The following PTPRG variants were observed in gnomAD, a reference collection of about 807,000 sequenced individuals.
The protein encoded by PTPRG is receptor-type tyrosine-protein phosphatase gamma.
In PTPRG, 102 loss-of-function variants were observed where a neutral mutation model predicts 165.3. That is an observed-to-expected ratio of 0.62 (90% CI 0.53 to 0.73). The LOEUF is 0.73. PTPRG is among the 30% of genes least tolerant of loss of function. The pLI, the probability that PTPRG is intolerant of heterozygous loss-of-function variation, is 0.00. For synonymous variants in PTPRG, 675 were observed against 669.5 expected, an observed-to-expected ratio of 1.01 and a Z score of -0.13; for missense variants, 1,866 against 1,861.4, an observed-to-expected ratio of 1.00 and a Z score of -0.05.
At chr3:62,110,066 T>G (rs1337642553) in intron 5 of PTPRG, among the ~76,000 whole-genome samples, 1 of 148,498 alleles carries the variant, frequency 6.7e-6, no homozygotes, top group Admixed American at 6.7e-5. Flanking sequence ...TCAGTAGCTC[T>G]CTCTCTATTC....
intron 8 of PTPRG, among the ~76,000 whole-genome samples, chr3:62,169,571 T>C (rs1420511282): frequency 1.3e-5 from 2 of 152,094 alleles, no homozygotes; most frequent in African/African-American, 4.8e-5. Context: ...GCTCTGGGAT[T>C]TATCAGAATT....
intron 3 of PTPRG, among the ~76,000 whole-genome samples, chr3:61,994,535 G>A (rs946341479): frequency 6.6e-6 from 1 of 152,108 alleles, no homozygotes; most frequent in Non-Finnish European, 1.5e-5. Flanking sequence ...AAGAATCAAC[G>A]GGAGGGAAAC....
At chr3:62,196,033 C>G (rs1228447031) in intron 10 of PTPRG, among the ~76,000 whole-genome samples, 2 of 151,474 alleles carry the variant, frequency 1.3e-5, no homozygotes, top group East Asian at 4.0e-4. Context: ...CGTGATCTGC[C>G]TGCCTTAGCC....
chr3:61,693,923 G>A (rs180773383), intron 1 of PTPRG, among the ~76,000 whole-genome samples: 14 of 150,720 alleles, frequency 9.3e-5, no homozygotes, highest in Non-Finnish European at 1.9e-4. Context: ...CAGGAGAATC[G>A]CTTGAACCCA....
intron 2 of PTPRG, among the ~76,000 whole-genome samples, chr3:61,886,649 G>T (rs184050638): frequency 6.6e-6 from 1 of 152,132 alleles, no homozygotes; most frequent in Non-Finnish European, 1.5e-5. Context: ...GAGTTAACAG[G>T]TAGGGCTGTT....
At chr3:61,965,129 G>T (rs1335815937) in intron 2 of PTPRG, among the ~76,000 whole-genome samples, 1 of 151,568 alleles carries the variant, frequency 6.6e-6, no homozygotes, top group African/African-American at 2.4e-5. Context: ...CTGTAATCCC[G>T]TCTACGTAGG....
intron 15 of PTPRG, among the ~76,000 whole-genome samples, chr3:62,253,935 A>C (rs1465481090): frequency 6.6e-6 from 1 of 152,236 alleles, no homozygotes; most frequent in African/African-American, 2.4e-5. Flanking sequence ...TCACCTTCCT[A>C]AAACAAAGTA....
chr3:61,936,743 C>T (rs562822125), intron 2 of PTPRG, among the ~76,000 whole-genome samples: 3 of 152,232 alleles, frequency 2.0e-5, no homozygotes, highest in South Asian at 2.1e-4. Flanking sequence ...GAAATCCTTA[C>T]GTTTTGGATG....
chr3:61,970,156 A>G (rs189510376), intron 2 of PTPRG, among the ~76,000 whole-genome samples: 45 of 152,240 alleles, frequency 3.0e-4, no homozygotes, highest in Middle Eastern at 3.4e-3. Flanking sequence ...TGTGTTTCCA[A>G]TGTCAACTCA....
chr3:61,756,847 A>C (rs907024819), intron 2 of PTPRG, among the ~76,000 whole-genome samples: 3 of 152,172 alleles, frequency 2.0e-5, no homozygotes, highest in Non-Finnish European at 4.4e-5. Flanking sequence ...GGTAAATGGA[A>C]TACTGAGAGT....
chr3:62,074,524 A>G (rs1384770207), intron 4 of PTPRG, among the ~76,000 whole-genome samples: 1 of 151,498 alleles, frequency 6.6e-6, no homozygotes, highest in Non-Finnish European at 1.5e-5. Flanking sequence ...AATTTTTTGT[A>G]GAGATGAGGT....
chr3:61,942,970 G>A (rs1406192641), intron 2 of PTPRG, among the ~76,000 whole-genome samples: 2 of 152,194 alleles, frequency 1.3e-5, no homozygotes, highest in Admixed American at 6.5e-5. Flanking sequence ...GCAGGCCAGT[G>A]TATACAGATT....
intron 2 of PTPRG, among the ~76,000 whole-genome samples, chr3:61,932,132 T>C (rs1310056908): frequency 6.6e-6 from 1 of 152,266 alleles, no homozygotes; most frequent in Non-Finnish European, 1.5e-5. Context: ...GTCAATTATA[T>C]ATCTACCACT....
At chr3:61,914,545 A>T (rs996105373) in intron 2 of PTPRG, among the ~76,000 whole-genome samples, 7 of 152,204 alleles carry the variant, frequency 4.6e-5, no homozygotes, top group African/African-American at 1.7e-4. Flanking sequence ...TCCGAGTTTA[A>T]GCATCTGAAA....
intron 4 of PTPRG, among the ~76,000 whole-genome samples, chr3:62,006,075 T>C (rs928740766): frequency 1.2e-4 from 18 of 152,164 alleles, no homozygotes; most frequent in African/African-American, 3.9e-4. Context: ...GAGGGAGCCA[T>C]TGAATTCAGA....
At chr3:61,901,923 G>A (rs1407819692) in intron 2 of PTPRG, among the ~76,000 whole-genome samples, 1 of 152,198 alleles carries the variant, frequency 6.6e-6, no homozygotes, top group Admixed American at 6.5e-5. Context: ...GATATTACCT[G>A]ATAATTATGC....
rs61754215 is a variant in PTPRG at position 62,195,118 on chromosome 3, C to T, written c.1275C>T (p.Ala425=). 9.8e-3 allele frequency: 15,828 copies of T among 1,614,178 alleles called. 180 individuals are homozygous for T. The highest frequency in any genetic ancestry group is 0.065 in the Middle Eastern group (391 of 6,062). ...PDSLYLFRVQ[A]VCRNDMRSDF... is the part of the protein sequence containing the mutation. Reference sequence around the variant, plus strand: ...GCCTTTACCTGTTCCGAGTCCAGGCCGTGTGTCGGAACGACATGCGCAGCG... The same window carrying T: ...GCCTTTACCTGTTCCGAGTCCAGGCTGTGTGTCGGAACGACATGCGCAGCG... The change falls in exon 10 of 30, where the codon GCC becomes GCT. Residue 425 remains alanine, a synonymous_variant. Coordinates refer to ENST00000474889, the MANE Select transcript of PTPRG (RefSeq NM_002841.4). This position sits in a 1 kb window ranked among gnomAD's most constrained non-coding sequence, Gnocchi z 4.4.
chr3:61,726,045 T>C (rs1217282123), intron 1 of PTPRG, among the ~76,000 whole-genome samples: 3 of 152,184 alleles, frequency 2.0e-5, no homozygotes, highest in African/African-American at 7.2e-5. Context: ...GCCAGAAGCT[T>C]ATGACTGGCT....
At chr3:61,945,249 A>G (rs1489927360) in intron 2 of PTPRG, among the ~76,000 whole-genome samples, 1 of 152,150 alleles carries the variant, frequency 6.6e-6, no homozygotes, top group Admixed American at 6.5e-5. Flanking sequence ...TCCTACTGAC[A>G]CTGAAAGTCC....
Sources: gnomAD v4.1 joint callset for allele counts (sites outside exome capture counted in the v4.1 genomes callset) on GRCh38, gnomAD v4.1.1 for gene constraint, Gnocchi (gnomAD v3.1) non-coding constraint, MANE v1.5 for transcripts, NCBI Gene and HGNC (gene_info 2026-07-23, HGNC 2026-07-21) for gene names.